GPC3: variants seen among roughly 807,000 people sequenced by gnomAD.
The protein encoded by GPC3 is glypican-3.
A neutral mutation model predicts 34.4 loss-of-function variants in GPC3; 3 were observed. That is an observed-to-expected ratio of 0.09 (90% CI 0.04 to 0.23). The LOEUF is 0.23. Ranked by LOEUF, GPC3 falls within the 10% of genes least tolerant of loss-of-function variation. The pLI is 1.00. For synonymous variants in GPC3, 177 were observed against 174.0 expected (o/e 1.02, Z -0.13); for missense variants, 351 against 445.6 (o/e 0.79, Z 1.91).
chrX:133,661,781 G>A lies in GPC3; in HGVS notation c.1362C>T (p.Gly454=). The part of the protein sequence containing the change: ...QFNLHELKMK[G]PEPVVSQIID... ...TAATTTGACTGACCACTGGCTCAGG[G>A]CCCTTCATTTTCAGCTCATGGAGAT... is the stretch of plus-strand genomic sequence containing the variant. The change falls in exon 6 of 8, where the codon GGC becomes GGT. Residue 454 remains glycine, a synonymous_variant. Transcript: ENST00000370818. The A allele has an allele frequency of 1.7e-6, 2 of 1,199,044 alleles. No individual in the cohort carries two copies. The highest frequency in any genetic ancestry group is 2.3e-6 in the Non-Finnish European group (2 of 885,692).
intron 2 of GPC3, among the ~76,000 whole-genome samples, chrX:133,897,829 A>G (rs1034609349): frequency 8.9e-6 from 1 of 111,937 alleles, no homozygotes; most frequent in Non-Finnish European, 1.9e-5. Flanking sequence ...TAATCCAGAC[A>G]TTGAAACACT....
At chrX:133,952,957 G>T in intron 2 of GPC3, 93 bp downstream of exon 2, 3 of 810,108 alleles carry the variant, frequency 3.7e-6, no homozygotes, top group Admixed American at 2.3e-5. Context: ...ATGCTGGAAT[G>T]GTAATTTATA....
chrX:133,782,895 A>G (rs182802788), intron 2 of GPC3, among the ~76,000 whole-genome samples: 1 of 111,490 alleles, frequency 9.0e-6, no homozygotes, highest in Admixed American at 9.6e-5. Context: ...AGACTGCCAA[A>G]GCTTTTGACT....
At chrX:133,754,226 A>G (rs1228512674) in intron 2 of GPC3, 50 bp from the exon 3 acceptor site, 1 of 935,865 alleles carries the variant, frequency 1.1e-6, no homozygotes, top group South Asian at 2.1e-5. Flanking sequence ...AAATTAAAGC[A>G]TGAAAATCCA....
intron 6 of GPC3, among the ~76,000 whole-genome samples, chrX:133,637,156 G>T: frequency 9.0e-6 from 1 of 111,696 alleles, no homozygotes; most frequent in African/African-American, 3.3e-5. Context: ...AAAATCAAGT[G>T]GGAAGAATGA....
At chrX:133,679,220 T>C in intron 5 of GPC3, among the ~76,000 whole-genome samples, 1 of 111,554 alleles carries the variant, frequency 9.0e-6, no homozygotes, top group Non-Finnish European at 1.9e-5. Context: ...TACTAAAGGA[T>C]CCATGTTTGT....
chrX:133,979,223 A>G (rs746719576), intron 1 of GPC3, among the ~76,000 whole-genome samples: 1 of 112,017 alleles, frequency 8.9e-6, no homozygotes, highest in Admixed American at 9.5e-5. Context: ...TAGTAGATTT[A>G]CTAATCTAGC....
chrX:133,820,679 C>T (rs1015771813), intron 2 of GPC3, among the ~76,000 whole-genome samples: 3 of 111,708 alleles, frequency 2.7e-5, no homozygotes, highest in East Asian at 2.8e-4. Context: ...GAAGTCCATA[C>T]AAAAATTATG....
intron 2 of GPC3, among the ~76,000 whole-genome samples, chrX:133,864,568 C>A (rs1424834328): frequency 1.8e-5 from 2 of 111,936 alleles, no homozygotes; most frequent in African/African-American, 6.5e-5. Flanking sequence ...TCTATGAATA[C>A]CCAATGCTCA....
chrX:133,690,673 C>G (rs2071052324), intron 5 of GPC3, among the ~76,000 whole-genome samples: 1 of 111,542 alleles, frequency 9.0e-6, no homozygotes, highest in Admixed American at 9.5e-5. Context: ...TATCTCAAAA[C>G]ATAAATGTTG....
intron 6 of GPC3, among the ~76,000 whole-genome samples, chrX:133,648,418 G>A (rs936699206): frequency 1.1e-4 from 12 of 111,661 alleles, no homozygotes; most frequent in African/African-American, 3.6e-4. Flanking sequence ...TCAGGCAGTG[G>A]AAAGGAAGGG....
chrX:133,956,321 T>C (rs991921006), intron 1 of GPC3, among the ~76,000 whole-genome samples: 2 of 112,495 alleles, frequency 1.8e-5, no homozygotes, highest in African/African-American at 3.2e-5. Flanking sequence ...TCAGAAAAAG[T>C]AAAGAAACAG....
At chrX:133,826,690 GA>G (rs1339177382) in intron 2 of GPC3, among the ~76,000 whole-genome samples, 14 of 111,354 alleles carry the variant, frequency 1.3e-4, no homozygotes, top group Non-Finnish European at 1.1e-4. Flanking sequence ...ACACATCCAA[GA>G]AACTCAACAG....
intron 7 of GPC3, among the ~76,000 whole-genome samples, chrX:133,558,391 C>T (rs1010137595): frequency 3.7e-5 from 4 of 108,979 alleles, no homozygotes; most frequent in Admixed American, 9.9e-5. Flanking sequence ...CAGCATCCTT[C>T]GCCTTCCAGG....
Position 133,839,463 on chromosome X carries a change from A to T in GPC3, c.338-85287T>A, listed in dbSNP as rs894113177. The stretch of plus-strand genomic sequence containing the variant: ...ATGCTGTATACCTTAAATATACACA[A>T]TTTTTTTGGTCAATTATACCTCAAT... On this transcript the variant is annotated intron_variant, in intron 2 of 7. Transcript: ENST00000370818. Among the ~76,000 whole-genome samples the T allele has an allele frequency of 7.2e-5, 8 of 111,610 alleles. No homozygotes were observed. The East Asian group carries it at 2.3e-3, about 31-fold the overall frequency.
At chrX:133,841,904 T>C (rs752521436) in intron 2 of GPC3, among the ~76,000 whole-genome samples, 2 of 112,447 alleles carry the variant, frequency 1.8e-5, no homozygotes, top group Non-Finnish European at 3.8e-5. Flanking sequence ...GCTGAATGCT[T>C]CCTGCCCTCA....
chrX:133,653,000 C>T (rs1323918305), intron 6 of GPC3, among the ~76,000 whole-genome samples: 4 of 112,117 alleles, frequency 3.6e-5, no homozygotes, highest in Non-Finnish European at 7.5e-5. Context: ...TTCACATTCT[C>T]CCATTTGGTC....
At chrX:133,979,611 C>G in intron 1 of GPC3, among the ~76,000 whole-genome samples, 1 of 111,734 alleles carries the variant, frequency 8.9e-6, no homozygotes, top group Middle Eastern at 4.6e-3. Flanking sequence ...TTTCAAAACA[C>G]GCATTTTCTC....
intron 2 of GPC3, among the ~76,000 whole-genome samples, chrX:133,936,209 TATAATA>T (rs58972441): frequency 1.2e-4 from 12 of 99,448 alleles, no homozygotes; most frequent in Non-Finnish European, 2.0e-4. Context: ...AAACTTAAAG[TATAATA>T]ATAATAATAA....
Sources: gnomAD v4.1 joint callset for allele counts (sites outside exome capture counted in the v4.1 genomes callset) on GRCh38, gnomAD v4.1.1 for gene constraint, MANE v1.5 for transcripts, NCBI Gene and HGNC (gene_info 2026-07-23, HGNC 2026-07-21) for gene names.